The following IL1RAPL2 variants were observed in gnomAD, a reference collection of about 807,000 sequenced individuals.
IL1RAPL2 encodes the protein interleukin 1 receptor accessory protein like 2, also known as X-linked interleukin-1 receptor accessory protein-like 2.
A neutral mutation model predicts 44.1 loss-of-function variants in IL1RAPL2; 3 were observed. The observed-to-expected ratio is 0.07, with a 90% CI of 0.03 to 0.18. The LOEUF (loss-of-function observed/expected upper bound fraction) is 0.18, where lower values mean the gene tolerates loss of function less well. Ranked by LOEUF, IL1RAPL2 falls within the 10% of genes least tolerant of loss-of-function variation. The probability of loss-of-function intolerance (pLI) is 1.00; values close to 1 mark genes in which losing one functional copy is unlikely to be tolerated. For missense variants in IL1RAPL2, 391 were observed against 496.4 expected, an observed-to-expected ratio of 0.79 and a Z score of 2.02; for synonymous variants, 181 against 178.8, an observed-to-expected ratio of 1.01 and a Z score of -0.10.
At chrX:104,912,853 A>G (rs1416371155) in intron 2 of IL1RAPL2, among the ~76,000 whole-genome samples, 1 of 112,425 alleles carries the variant, frequency 8.9e-6, no homozygotes, top group Non-Finnish European at 1.9e-5. Context: ...GTTAATAAGT[A>G]CATTGTGTAA....
intron 6 of IL1RAPL2, among the ~76,000 whole-genome samples, chrX:105,561,173 G>A (rs924850161): frequency 2.0e-4 from 22 of 111,049 alleles, no homozygotes; most frequent in Non-Finnish European, 3.6e-4. Flanking sequence ...AACAGTTTTG[G>A]GGTATTGCAG....
chrX:104,571,838 G>GA (rs1928154484), intron 1 of IL1RAPL2, among the ~76,000 whole-genome samples: 1 of 111,988 alleles, frequency 8.9e-6, no homozygotes, highest in Admixed American at 9.5e-5. Context: ...CTAACCCAGA[G>GA]AGTCCATATC....
intron 3 of IL1RAPL2, among the ~76,000 whole-genome samples, chrX:105,212,888 G>A (rs1000237547): frequency 8.9e-6 from 1 of 112,085 alleles, no homozygotes; most frequent in Admixed American, 9.4e-5. Context: ...GAAGAGGGAC[G>A]TGACTGTTAG....
At chrX:104,611,409 C>T (rs2148004492) in intron 1 of IL1RAPL2, among the ~76,000 whole-genome samples, 1 of 111,128 alleles carries the variant, frequency 9.0e-6, no homozygotes, top group East Asian at 2.9e-4. Flanking sequence ...GTGGGCTCTT[C>T]CCTGCTTGAA....
chrX:105,409,662 C>T (rs2035678083), intron 5 of IL1RAPL2, among the ~76,000 whole-genome samples: 1 of 110,438 alleles, frequency 9.1e-6, no homozygotes, highest in South Asian at 3.8e-4. Context: ...ATTCCAGGCT[C>T]ATATTATGTG....
At chrX:105,018,322 T>G (rs2031222208) in intron 2 of IL1RAPL2, among the ~76,000 whole-genome samples, 1 of 111,316 alleles carries the variant, frequency 9.0e-6, no homozygotes, top group Non-Finnish European at 1.9e-5. Context: ...TTTGTTATCC[T>G]GTGACTTTTT....
intron 1 of IL1RAPL2, among the ~76,000 whole-genome samples, chrX:104,588,976 T>C (rs1184989319): frequency 8.9e-6 from 1 of 112,157 alleles, no homozygotes; most frequent in Admixed American, 9.5e-5. Flanking sequence ...GTATGAAATA[T>C]AGCTGTCCAA....
intron 2 of IL1RAPL2, among the ~76,000 whole-genome samples, chrX:104,901,853 A>C: frequency 8.9e-6 from 1 of 111,740 alleles, no homozygotes; most frequent in East Asian, 2.8e-4. Flanking sequence ...TAAATGAGAC[A>C]ATGTGTGTAT....
At chrX:105,117,376 T>G (rs1190752075) in intron 2 of IL1RAPL2, among the ~76,000 whole-genome samples, 1 of 112,127 alleles carries the variant, frequency 8.9e-6, no homozygotes, top group Non-Finnish European at 1.9e-5. Flanking sequence ...AAATTAATTC[T>G]AATGGAAAGG....
intron 2 of IL1RAPL2, among the ~76,000 whole-genome samples, chrX:104,895,503 C>A (rs931958976): frequency 3.6e-5 from 4 of 112,663 alleles, no homozygotes; most frequent in African/African-American, 1.3e-4. Flanking sequence ...ACTCTCCCAG[C>A]CTCGCTGCTG....
intron 2 of IL1RAPL2, among the ~76,000 whole-genome samples, chrX:105,041,437 T>C (rs1021967440): frequency 2.7e-5 from 3 of 110,765 alleles, no homozygotes; most frequent in Non-Finnish European, 5.7e-5. Context: ...GTATCCTTGT[T>C]GACTTTCTGT....
At chrX:105,654,663 A>G (rs1249730486) in intron 6 of IL1RAPL2, among the ~76,000 whole-genome samples, 2 of 111,609 alleles carry the variant, frequency 1.8e-5, no homozygotes, top group Admixed American at 9.5e-5. Flanking sequence ...CTATTACCAA[A>G]CAGGCTAAAA....
At chrX:104,653,383 C>T (rs1039118917) in intron 1 of IL1RAPL2, among the ~76,000 whole-genome samples, 3 of 111,056 alleles carry the variant, frequency 2.7e-5, no homozygotes, top group African/African-American at 9.8e-5. Context: ...AGTCTCGGTC[C>T]TCTTGTCATC....
At chrX:105,293,860 A>G (rs2034634826) in intron 5 of IL1RAPL2, among the ~76,000 whole-genome samples, 1 of 112,225 alleles carries the variant, frequency 8.9e-6, no homozygotes, top group African/African-American at 3.2e-5. Context: ...ACAATAACAG[A>G]TACATTTGAG....
At chrX:104,764,181 C>A (rs1414822355) in intron 2 of IL1RAPL2, among the ~76,000 whole-genome samples, 1 of 99,475 alleles carries the variant, frequency 1.0e-5, no homozygotes, top group Non-Finnish European at 2.1e-5. Flanking sequence ...ACTGATTTTT[C>A]CAATCTATGA....
At chrX:104,709,556 C>G (rs1931419178) in intron 2 of IL1RAPL2, among the ~76,000 whole-genome samples, 1 of 110,552 alleles carries the variant, frequency 9.0e-6, no homozygotes, top group East Asian at 2.8e-4. Flanking sequence ...TGCCTTTCCC[C>G]TACTCCCCAT....
At chrX:105,660,197 C>G in intron 6 of IL1RAPL2, among the ~76,000 whole-genome samples, 1 of 110,524 alleles carries the variant, frequency 9.0e-6, no homozygotes, top group Non-Finnish European at 1.9e-5. Context: ...CAGTGGAAAC[C>G]TTACAGGCCA....
chrX:105,294,059 A>G lies in IL1RAPL2; in HGVS notation c.697+26518A>G, dbSNP rs757121242. ...TACCTGTCCTTTGTGAAAAACAATG[A>G]GGAACGTTATTTCTGTATCTGTCAC... is the stretch of plus-strand genomic sequence containing the variant. On this transcript the variant is annotated intron_variant, in intron 5 of 10. Transcript: ENST00000372582. Among the ~76,000 whole-genome samples the G allele has an allele frequency of 2.7e-5, 3 of 112,506 alleles. No homozygotes were observed. In the South Asian group the frequency reaches 1.1e-3, roughly 41 times the overall value.
At chrX:105,540,832 TGATATATAATACATA>T (rs1256872681) in intron 6 of IL1RAPL2, among the ~76,000 whole-genome samples, 4 of 73,265 alleles carry the variant, frequency 5.5e-5, no homozygotes, top group African/African-American at 1.9e-4. Context: ...ATATTATATA[TGATATATAATACATA>T]CATATATTAT....
Sources: allele counts gnomAD v4.1 joint callset (sites outside exome capture counted in the v4.1 genomes callset), GRCh38; gene constraint gnomAD v4.1.1; transcripts MANE v1.5; gene names NCBI Gene and HGNC (gene_info 2026-07-23, HGNC 2026-07-21).